SEPTIN8: variants seen among roughly 807,000 people sequenced by gnomAD.
The protein encoded by SEPTIN8 is septin 8.
Under a neutral mutation model 53.1 loss-of-function variants are expected in SEPTIN8, and 22 were observed. The ratio of observed to expected loss-of-function variants is 0.41; its 90% confidence interval spans 0.30 to 0.59. The LOEUF (loss-of-function observed/expected upper bound fraction) is 0.59. Ranked by LOEUF, SEPTIN8 falls within the 20% of genes least tolerant of loss-of-function variation. The pLI, the probability that SEPTIN8 is intolerant of heterozygous loss-of-function variation, is 0.24. For synonymous variants in SEPTIN8, 228 were observed against 248.4 expected (o/e 0.92, Z 0.77); for missense variants, 536 against 638.7 (o/e 0.84, Z 1.73).
In SEPTIN8 at chr5:132,760,646, A is replaced by G. The variant is rs1260930193; in HGVS notation, c.1286+156T>C. On this transcript the variant is annotated intron_variant, in intron 9 of 9. Transcript: ENST00000378719. This position sits in a 1 kb window ranked among gnomAD's most constrained non-coding sequence, Gnocchi z 5.2. ...TAGTGAAAGAAAAAGGCAACCAAGA[A>G]AGCTGGGGGGAGAGCCACTGAAGAT... 6.6e-6 allele frequency among the ~76,000 whole-genome samples: 1 copy of G among 152,070 alleles called. No individual in the cohort carries two copies. The highest frequency in any genetic ancestry group is 1.5e-5 in the Non-Finnish European group (1 of 67,986).
Position 132,761,902 on chromosome 5 carries a change from A to G in SEPTIN8, c.697-6T>C, listed in dbSNP as rs561756972. The G allele has an allele frequency of 1.9e-6, 3 of 1,579,160 alleles. No individual in the cohort carries two copies. In the South Asian group the frequency reaches 3.5e-5, roughly 18 times the overall value. On this transcript the variant is annotated splice_polypyrimidine_tract_variant and splice_region_variant and intron_variant, in intron 5 of 9. Transcript: ENST00000378719. The surrounding 1 kb of genome is among the most constrained non-coding windows in gnomAD (Gnocchi z 5.8). Reference sequence around the variant, plus strand: ...ACGGCAAAGGGCAGATGTGCCTGGAAAGGGGCCCGGGTATGCGTAAGCCCT... The same window carrying G: ...ACGGCAAAGGGCAGATGTGCCTGGAGAGGGGCCCGGGTATGCGTAAGCCCT...
At chr5:132,778,813 C>G (rs1161345706), upstream of SEPTIN8, among the ~76,000 whole-genome samples, 1 of 152,320 alleles carries the variant, frequency 6.6e-6, no homozygotes, top group Middle Eastern at 3.4e-3. Flanking sequence ...ACTACAAGGG[C>G]CTTAATCTCA....
At chr5:132,768,609 G>C (rs1171560298) in intron 1 of SEPTIN8, among the ~76,000 whole-genome samples, 1 of 152,218 alleles carries the variant, frequency 6.6e-6, no homozygotes, top group African/African-American at 2.4e-5. Flanking sequence ...CAGAAATAAA[G>C]TCAGGTGACC....
upstream of SEPTIN8, chr5:132,777,824 C>A (rs932577301): frequency 4.8e-5 from 47 of 985,502 alleles, no homozygotes; most frequent in African/African-American, 8.0e-4. This position sits in a 1 kb window ranked among gnomAD's most constrained non-coding sequence, Gnocchi z 4.1. Context: ...AGGCGGCCTT[C>A]CCGGGCAAGG....
chr5:132,770,069 A>G (rs1263325358), intron 1 of SEPTIN8, among the ~76,000 whole-genome samples: 20 of 64,878 alleles, frequency 3.1e-4, no homozygotes, highest in African/African-American at 1.0e-3. Context: ...GTGTGTATAT[A>G]TATATATATA....
Position 132,763,740 on chromosome 5 carries a change from A to G in SEPTIN8, c.500T>C (p.Leu167Pro), listed in dbSNP as rs768363064. 1.9e-6 allele frequency: 3 copies of G among 1,614,182 alleles called. No homozygotes were observed. The highest frequency in any genetic ancestry group is 2.2e-5 in the South Asian group (2 of 91,084). ...ITPTGHSLKS[L>P]DLVTMKKLDS... ...TAGTTTCTTCATGGTCACTAGATCT[A>G]GAGACTTCAGGGAGTGCCCTGTGGG... The change falls in exon 4 of 10, where the codon CTA becomes CCA. Residue 167 changes from leucine (L) to proline (P), a missense_variant. Leu to Pro is a moderately conservative substitution (Grantham distance 98). Transcript: ENST00000378719.
At position 132,760,723 on chromosome 5, in the gene SEPTIN8, A is replaced by G; in HGVS notation, c.1286+79T>C. ...AAGAGAGGGCGAGCAGGAGAGCGAG[A>G]AGGGAGGTGAGGGACAAGAACGAAA... is the stretch of plus-strand genomic sequence containing the variant. On this transcript the variant is annotated intron_variant, in intron 9 of 9. Coordinates refer to ENST00000378719, the MANE Select transcript of SEPTIN8 (RefSeq NM_001098811.2). This position sits in a 1 kb window ranked among gnomAD's most constrained non-coding sequence, Gnocchi z 5.2. 7.4e-7 allele frequency: 1 copy of G among 1,346,788 alleles called. No homozygotes were observed. Among genetic ancestry groups the G allele is most frequent in the Non-Finnish European group, 1.0e-6 (1 of 971,386 alleles). 83.4% of individuals were successfully genotyped at this position (1,346,788 alleles called of 1,614,324 possible).
chr5:132,756,251 G>A lies in SEPTIN8; in HGVS notation c.1287-4070C>T, dbSNP rs73787062. ...GTAATGCACAATTACAAACCACCTA[G>A]ATCAGGGTACCCACAACTAGAAAGA... On this transcript the variant is annotated intron_variant, in intron 9 of 9. Transcript: ENST00000378719. 1,112 of 985,394 alleles carry A rather than the reference G, an allele frequency of 1.1e-3. 7 individuals carry two copies. The African/African-American group carries it at 0.018, about 16-fold the overall frequency. 61.0% of individuals were successfully genotyped at this position (985,394 alleles called of 1,614,324 possible).
At chr5:132,770,749 G>A (rs1267365877) in intron 1 of SEPTIN8, among the ~76,000 whole-genome samples, 1 of 152,190 alleles carries the variant, frequency 6.6e-6, no homozygotes, top group Non-Finnish European at 1.5e-5. Flanking sequence ...AGAGAGAGGT[G>A]GACCCAAAGC....
Position 132,765,470 on chromosome 5 carries a change from G to A in SEPTIN8, c.90C>T (p.Leu30=), listed in dbSNP as rs564003948. The change falls in exon 2 of 10, where the codon CTC becomes CTT. Residue 30 remains leucine (L), a synonymous_variant. Coordinates refer to ENST00000378719, the MANE Select transcript of SEPTIN8 (RefSeq NM_001098811.2). ...SLGGHVGFDS[L]PDQLVSKSVT... is the part of the protein sequence containing the mutation. ...CCGACTTGCTGACCAGCTGGTCGGG[G>A]AGGCTGTCGAAACCCACATGGCCGC... 1.2e-6 allele frequency: 2 copies of A among 1,613,500 alleles called. No homozygotes were observed. The highest frequency in any genetic ancestry group is 8.5e-7 in the Non-Finnish European group (1 of 1,179,656).
intron 1 of SEPTIN8, among the ~76,000 whole-genome samples, chr5:132,766,652 C>T (rs919977850): frequency 5.9e-5 from 9 of 152,198 alleles, no homozygotes; most frequent in East Asian, 1.9e-4. Flanking sequence ...GAAGGGGCAG[C>T]GGATTCAGAG....
rs1755294391 is a variant in SEPTIN8 at position 132,756,000 on chromosome 5, A to AAACTC, written c.1287-3824_1287-3820dup. On this transcript the variant is annotated intron_variant, in intron 9 of 9. Transcript: ENST00000378719. ...CTACTGCCCAAAAAAGACACCACAA[A>AAACTC]AACTCAAAATAAATGCAAAATTTAA... 9.1e-6 allele frequency: 9 copies of AAACTC among 985,448 alleles called. No homozygotes were observed. The South Asian group carries it at 3.8e-4, about 41-fold the overall frequency. 61.0% of individuals were successfully genotyped at this position (985,448 alleles called of 1,614,324 possible). A position where few individuals can be genotyped will look rare whatever the true frequency, so the allele number is the denominator to read the frequency against.
intron 9 of SEPTIN8, chr5:132,755,907 A>C: frequency 1.1e-6 from 1 of 928,322 alleles, no homozygotes; most frequent in South Asian, 5.0e-5. Flanking sequence ...AATTCAAAGA[A>C]CAGACAAGCT....
At chr5:132,757,012 C>G in intron 9 of SEPTIN8, 1 of 985,356 alleles carries the variant, frequency 1.0e-6, no homozygotes, top group Non-Finnish European at 1.2e-6. Context: ...TAGAGATGAG[C>G]CATTGGCAGC....
At chr5:132,769,982 C>CATATATATATAT (rs1164726534) in intron 1 of SEPTIN8, among the ~76,000 whole-genome samples, 8 of 55,350 alleles carry the variant, frequency 1.4e-4, no homozygotes, top group Admixed American at 2.5e-4. Flanking sequence ...TCTATATATA[C>CATATATATATAT]ATATATATAT....
chr5:132,753,628 G>A (rs1002872515), intron 9 of SEPTIN8: 1 of 152,518 alleles, frequency 6.6e-6, no homozygotes, highest in Non-Finnish European at 1.5e-5. Context: ...TTACTCTTAA[G>A]CAAAGTGGTT....
upstream of SEPTIN8, chr5:132,778,169 G>C: frequency 3.9e-6 from 3 of 770,140 alleles, no homozygotes; most frequent in Non-Finnish European, 4.7e-6. Context: ...CTGAAACCCC[G>C]TTTCTTTCTC....
In SEPTIN8 at chr5:132,765,397, C is replaced by T. The variant is rs1734527285; in HGVS notation, c.151+12G>A. 4 of 1,613,256 alleles carry T rather than the reference C, an allele frequency of 2.5e-6. No homozygotes were observed. Among genetic ancestry groups the T allele is most frequent in the Non-Finnish European group, 3.4e-6 (4 of 1,179,570 alleles). ...ACCCACCCTCTGTCTGAGGCCAGGC[C>T]CTGACACTCACCCACACAGAGGATG... On this transcript the variant is annotated intron_variant, in intron 2 of 9. Transcript: ENST00000378719.
Position 132,777,066 on chromosome 5 carries a change from C to T in SEPTIN8, c.30+42G>A, listed in dbSNP as rs1757875201. 1.8e-6 allele frequency: 2 copies of T among 1,139,406 alleles called. No homozygotes were observed. Among genetic ancestry groups the T allele is most frequent in the Non-Finnish European group, 2.2e-6 (2 of 924,240 alleles). The allele number at this position is 1,139,406 out of a possible 1,614,324, so 70.6% of individuals were successfully genotyped here. A position where few individuals can be genotyped will look rare whatever the true frequency, so the allele number is the denominator to read the frequency against. ...AGCTGCAGGGCGGCCCCTCCTGCGC[C>T]CCGCGCCTCCCGCGCGCGCCGTGGC... On this transcript the variant is annotated intron_variant, in intron 1 of 9. Coordinates refer to ENST00000378719, the MANE Select transcript of SEPTIN8 (RefSeq NM_001098811.2). The surrounding 1 kb of genome is among the most constrained non-coding windows in gnomAD (Gnocchi z 4.1).
Sources: allele counts gnomAD v4.1 joint callset (sites outside exome capture counted in the v4.1 genomes callset), GRCh38; gene constraint gnomAD v4.1.1; non-coding constraint Gnocchi (gnomAD v3.1); transcripts MANE v1.5; gene names NCBI Gene and HGNC (gene_info 2026-07-23, HGNC 2026-07-21).